The following DCAF8L2 variants were observed in gnomAD, a reference collection of about 807,000 sequenced individuals.
DCAF8L2 encodes the protein DDB1- and CUL4-associated factor 8-like protein 2.
For synonymous variants in DCAF8L2, 200 were observed against 190.9 expected, an observed-to-expected ratio of 1.05 and a Z score of -0.39; for missense variants, 430 against 490.7, an observed-to-expected ratio of 0.88 and a Z score of 1.17.
At position 27,748,342 on chromosome X, in the gene DCAF8L2, G is replaced by C; in HGVS notation, c.1447G>C (p.Glu483Gln). The change falls in exon 5 of 5, where the codon GAG becomes CAG. Residue 483 changes from glutamate to glutamine, a missense_variant. Glu to Gln is a conservative substitution (Grantham distance 29, BLOSUM62 2). Coordinates refer to ENST00000451261, the MANE Select transcript of DCAF8L2 (RefSeq NM_001353450.2). ...KGVNFYGPRS[E>Q]FVVSGSDCGH... is the part of the protein sequence containing the mutation. ...TGTTAATTTCTATGGCCCCAGGAGT[G>C]AGTTTGTAGTGAGCGGTAGTGATTG... is the stretch of plus-strand genomic sequence containing the variant. The C allele has an allele frequency of 1.7e-6, 2 of 1,208,616 alleles. No homozygotes were observed. Among genetic ancestry groups the C allele is most frequent in the African/African-American group, 3.5e-5 (2 of 57,855 alleles).
At chrX:27,580,110 G>C in the DCAF8L2 span, among the ~76,000 whole-genome samples, 4 of 110,566 alleles carry the variant, frequency 3.6e-5, no homozygotes, top group Non-Finnish European at 3.8e-5. Flanking sequence ...TTTGACCAGA[G>C]TACAGGAGTC....
At chrX:27,650,418 C>G (rs936900981) in intron 2 of DCAF8L2, among the ~76,000 whole-genome samples, 1 of 112,256 alleles carries the variant, frequency 8.9e-6, no homozygotes, top group African/African-American at 3.2e-5. Flanking sequence ...ATTGATTCTT[C>G]TAATTCATGA....
At chrX:27,629,967 C>T (rs955864650) in intron 1 of DCAF8L2, among the ~76,000 whole-genome samples, 1 of 111,661 alleles carries the variant, frequency 9.0e-6, no homozygotes, top group Non-Finnish European at 1.9e-5. Context: ...TACTTGTTTC[C>T]TGTAAATTTT....
At position 27,690,130 on chromosome X, in the gene DCAF8L2, A is replaced by G. The variant is rs183967487; in HGVS notation, c.-143+12218A>G. 6.3e-5 allele frequency among the ~76,000 whole-genome samples: 7 copies of G among 111,566 alleles called. No homozygotes were observed. In the East Asian group the frequency reaches 2.0e-3, roughly 31 times the overall value. ...AATCATGACAGAAAATAATGTTAAG[A>G]TATTAATATTGTTAAATTATGACTT... On this transcript the variant is annotated intron_variant, in intron 3 of 4. Transcript: ENST00000451261.
At chrX:27,527,408 C>T in the DCAF8L2 span, among the ~76,000 whole-genome samples, 1 of 111,395 alleles carries the variant, frequency 9.0e-6, no homozygotes, top group Non-Finnish European at 1.9e-5. Context: ...CCCGATTTTC[C>T]AGGTGCCATC....
chrX:27,718,608 G>T (rs1359888567), intron 4 of DCAF8L2, among the ~76,000 whole-genome samples: 1 of 110,949 alleles, frequency 9.0e-6, no homozygotes, highest in African/African-American at 3.3e-5. Flanking sequence ...AATGTTGGGG[G>T]AGCCCTGATC....
the DCAF8L2 span, among the ~76,000 whole-genome samples, chrX:27,540,556 A>G: frequency 1.8e-5 from 2 of 112,067 alleles, no homozygotes; most frequent in Admixed American, 1.9e-4. Context: ...AGTGGTTACT[A>G]GAGGCTAAGA....
chrX:27,642,865 G>A (rs1455223641), intron 2 of DCAF8L2, among the ~76,000 whole-genome samples: 1 of 111,880 alleles, frequency 8.9e-6, no homozygotes, highest in Admixed American at 9.5e-5. Flanking sequence ...CAACTTGGAC[G>A]TTGCAGGTGA....
At chrX:27,649,868 T>G (rs1929085079) in intron 2 of DCAF8L2, among the ~76,000 whole-genome samples, 1 of 111,969 alleles carries the variant, frequency 8.9e-6, no homozygotes, top group African/African-American at 3.2e-5. Context: ...AGTCATATAT[T>G]CTTTCCCAAG....
chrX:27,519,704 C>T, the DCAF8L2 span: 7 of 578,412 alleles, frequency 1.2e-5, no homozygotes, highest in East Asian at 9.8e-5. Flanking sequence ...CAGAAAAATG[C>T]GCGTGTTAAG....
intron 4 of DCAF8L2, among the ~76,000 whole-genome samples, chrX:27,742,567 TCAAAAACAAAAA>T (rs1208191032): frequency 4.0e-5 from 4 of 99,615 alleles, no homozygotes; most frequent in Middle Eastern, 5.3e-3. Flanking sequence ...AGACTCCATC[TCAAAAACAAAAA>T]CAAAAACAAA....
the DCAF8L2 span, among the ~76,000 whole-genome samples, chrX:27,488,743 A>G: frequency 9.1e-6 from 1 of 110,191 alleles, no homozygotes; most frequent in African/African-American, 3.3e-5. Flanking sequence ...TGCAGCCACC[A>G]TCTCCCAGGT....
At position 27,713,713 on chromosome X, in the gene DCAF8L2, C is replaced by T. The variant is rs1326001403; in HGVS notation, c.-142-2375C>T. Among the ~76,000 whole-genome samples the T allele has an allele frequency of 1.5e-4, 17 of 111,508 alleles. No homozygotes were observed. In the Admixed American group the frequency reaches 1.5e-3, roughly 10 times the overall value. On this transcript the variant is annotated intron_variant, in intron 3 of 4. Coordinates refer to ENST00000451261, the MANE Select transcript of DCAF8L2 (RefSeq NM_001353450.2). ...AGGGACAGATATTAAATATTATAAA[C>T]TTTGTCAGCCATATGATCTCTGTCA...
At chrX:27,498,388 G>C in the DCAF8L2 span, among the ~76,000 whole-genome samples, 5 of 112,234 alleles carry the variant, frequency 4.5e-5, no homozygotes, top group African/African-American at 1.6e-4. Context: ...GGAGGTATGA[G>C]GTGATATCTC....
intron 1 of DCAF8L2, among the ~76,000 whole-genome samples, chrX:27,600,999 G>A (rs1342248795): frequency 9.1e-6 from 1 of 109,410 alleles, no homozygotes; most frequent in East Asian, 2.9e-4. Flanking sequence ...ATGCAGTGAC[G>A]TGATCATAGC....
intron 1 of DCAF8L2, among the ~76,000 whole-genome samples, 172 bp downstream of exon 1, chrX:27,590,612 A>G (rs1210878387): frequency 9.0e-6 from 1 of 111,086 alleles, no homozygotes; most frequent in Non-Finnish European, 1.9e-5. Context: ...AGAAAATTTT[A>G]CAGTTGCCTG....
chrX:27,491,568 A>G, the DCAF8L2 span, among the ~76,000 whole-genome samples: 4 of 112,224 alleles, frequency 3.6e-5, no homozygotes, highest in Non-Finnish European at 7.5e-5. Context: ...CCTACTCTGC[A>G]TTTCTGTCCA....
chrX:27,618,279 A>C (rs1306913519), intron 1 of DCAF8L2, among the ~76,000 whole-genome samples: 1 of 111,737 alleles, frequency 8.9e-6, no homozygotes, highest in Non-Finnish European at 1.9e-5. Context: ...GCAGGCAGTT[A>C]GAAATAATTA....
At chrX:27,541,060 T>C in the DCAF8L2 span, among the ~76,000 whole-genome samples, 1 of 111,646 alleles carries the variant, frequency 9.0e-6, no homozygotes, top group Non-Finnish European at 1.9e-5. Flanking sequence ...CTCTTGGCCC[T>C]CTGAAGCTTC....
Sources: allele counts gnomAD v4.1 joint callset (sites outside exome capture counted in the v4.1 genomes callset), GRCh38; gene constraint gnomAD v4.1.1; transcripts MANE v1.5; gene names NCBI Gene and HGNC (gene_info 2026-07-23, HGNC 2026-07-21).